COQ3: variants seen among roughly 807,000 people sequenced by gnomAD.
The protein encoded by COQ3 is ubiquinone biosynthesis O-methyltransferase, mitochondrial.
A neutral mutation model predicts 33.1 loss-of-function variants in COQ3; 29 were observed. The ratio of observed to expected loss-of-function variants is 0.88; its 90% CI spans 0.65 to 1.19. COQ3 has a LOEUF of 1.19. Among genes scored for constraint, COQ3 ranks in the 50% most tolerant of loss-of-function variants. The probability of loss-of-function intolerance (pLI) is 0.00; values close to 1 mark genes in which losing one functional copy is unlikely to be tolerated. For synonymous variants in COQ3, 173 were observed against 157.8 expected, an observed-to-expected ratio of 1.10 and a Z score of -0.72; for missense variants, 437 against 430.7, an observed-to-expected ratio of 1.01 and a Z score of -0.13.
chr6:99,377,166 C>T (rs1489907295), intron 4 of COQ3, among the ~76,000 whole-genome samples: 2 of 151,340 alleles, frequency 1.3e-5, no homozygotes, highest in Non-Finnish European at 2.9e-5. Context: ...CCCGCCACCA[C>T]ACCTGGCTAA....
At chr6:99,388,314 C>G (rs577132689) in intron 1 of COQ3, among the ~76,000 whole-genome samples, 15 of 152,180 alleles carry the variant, frequency 9.9e-5, no homozygotes, top group Admixed American at 9.2e-4. Context: ...TAAATCATTT[C>G]AAAAAAATTC....
chr6:99,383,583 C>T (rs1774531363), intron 2 of COQ3, 115 bp downstream of exon 2: 2 of 713,588 alleles, frequency 2.8e-6, no homozygotes, highest in Non-Finnish European at 4.2e-6. Context: ...TAAACACAAG[C>T]TACTTTAATC....
rs1562210364 is a variant in COQ3, at chr6:99,388,922, CA to C, written c.107-5099del. On this transcript the variant is annotated intron_variant, in intron 1 of 6. Coordinates refer to ENST00000254759, the MANE Select transcript of COQ3 (RefSeq NM_017421.4). ...ACACACACACACACACACACACACA[CA>C]CACACACACACCCACATCCTCACTC... Among the ~76,000 whole-genome samples, 405 of 149,372 alleles carry C rather than the reference CA, an allele frequency of 2.7e-3. 2 individuals carry two copies. The highest frequency in any genetic ancestry group is 5.3e-3 in the Admixed American group (79 of 14,958).
rs1774668110 is a variant in COQ3 at position 99,386,909 on chromosome 6, G to A, written c.107-3085C>T. 2.0e-5 allele frequency among the ~76,000 whole-genome samples: 3 copies of A among 152,098 alleles called. No homozygotes were observed. In the South Asian group the frequency reaches 6.2e-4, roughly 32 times the overall value. On this transcript the variant is annotated intron_variant, in intron 1 of 6. Coordinates refer to ENST00000254759, the MANE Select transcript of COQ3 (RefSeq NM_017421.4). ...TCTCTTAAAAAAATAGAAGGGTAAG[G>A]AATACTTCCCAGGCCATTTTATGAA...
intron 2 of COQ3, among the ~76,000 whole-genome samples, chr6:99,382,674 C>G (rs562777058): frequency 6.6e-6 from 1 of 152,282 alleles, no homozygotes; most frequent in African/African-American, 2.4e-5. Context: ...GAGTTCAAGG[C>G]TGGGCGCGGT....
At chr6:99,381,772 A>T (rs899715163) in intron 2 of COQ3, among the ~76,000 whole-genome samples, 1 of 151,984 alleles carries the variant, frequency 6.6e-6, no homozygotes, top group Non-Finnish European at 1.5e-5. Flanking sequence ...CTAAAAATAC[A>T]AAAATTAGCC....
Position 99,394,182 on chromosome 6 carries a change from C to A in COQ3, c.-3G>T. The A allele has an allele frequency of 6.4e-7, 1 of 1,572,286 alleles. No homozygotes were observed. The highest frequency in any genetic ancestry group is 1.1e-5 in the South Asian group (1 of 87,638). ...CCCAGCTTACGGCCACTCCACATCG[C>A]GACAAACGATCCCACCTCTTTTCCG... On this transcript the variant is annotated 5_prime_UTR_variant, in exon 1 of 7. Coordinates refer to ENST00000254759, the MANE Select transcript of COQ3 (RefSeq NM_017421.4).
intron 1 of COQ3, 111 bp downstream of exon 1, chr6:99,393,963 T>C: frequency 3.6e-6 from 3 of 833,414 alleles, no homozygotes; most frequent in Non-Finnish European, 6.0e-6. Context: ...GGTTTCGCGC[T>C]GACCCCTCGC....
At chr6:99,393,397 T>A (rs1240347612) in intron 1 of COQ3, among the ~76,000 whole-genome samples, 1 of 152,226 alleles carries the variant, frequency 6.6e-6, no homozygotes, top group African/African-American at 2.4e-5. Context: ...ATCCTGATCT[T>A]AGGTTTATCC....
At chr6:99,375,044 A>C (rs1220791147) in intron 5 of COQ3, among the ~76,000 whole-genome samples, 1 of 145,326 alleles carries the variant, frequency 6.9e-6, no homozygotes, top group Non-Finnish European at 1.5e-5. Context: ...ATCTCGGCTC[A>C]CTGCAACCTC....
At chr6:99,379,051 CATG>C (rs1415573494) in intron 3 of COQ3, among the ~76,000 whole-genome samples, 7 of 149,376 alleles carry the variant, frequency 4.7e-5, no homozygotes, top group Non-Finnish European at 1.0e-4. Flanking sequence ...TTTTAGGGTA[CATG>C]TGCACACCGT....
rs553197170 is a variant in COQ3, at chr6:99,369,937, A to G, written c.890-117T>C. 13 of 663,356 alleles carry G rather than the reference A, an allele frequency of 2.0e-5. No homozygotes were observed. The South Asian group carries it at 2.2e-4, about 11-fold the overall frequency. The allele number at this position is 663,356 out of a possible 1,614,324, so 41.1% of individuals were successfully genotyped here. On this transcript the variant is annotated intron_variant, in intron 6 of 6. Transcript: ENST00000254759. The stretch of plus-strand genomic sequence containing the variant: ...CTGAGAGCACACTAAATGGATAGGA[A>G]AAGAAGAAAAAAAAAGGATTCCTAA...
In COQ3 at chr6:99,369,544, T is replaced by C. The variant is rs79118251; in HGVS notation, c.*56A>G. 1.1e-6 allele frequency: 1 copy of C among 903,812 alleles called. No individual in the cohort carries two copies. The highest frequency in any genetic ancestry group is 3.1e-5 in the Admixed American group (1 of 32,478). 56.0% of individuals were successfully genotyped at this position (903,812 alleles called of 1,614,324 possible). ...CTCTCAAAGGATAAATTGTACATTT[T>C]TGTATTTGAAAACATCAGATATCCA... is the stretch of plus-strand genomic sequence containing the variant. On this transcript the variant is annotated 3_prime_UTR_variant, in exon 7 of 7. Coordinates refer to ENST00000254759, the MANE Select transcript of COQ3 (RefSeq NM_017421.4).
intron 1 of COQ3, among the ~76,000 whole-genome samples, chr6:99,387,278 A>C (rs745931832): frequency 1.3e-5 from 2 of 152,118 alleles, no homozygotes; most frequent in African/African-American, 2.4e-5. Flanking sequence ...GTGAGACCCT[A>C]TCTCTACAGA....
At chr6:99,379,845 G>A (rs1367168179) in intron 3 of COQ3, among the ~76,000 whole-genome samples, 1 of 150,622 alleles carries the variant, frequency 6.6e-6, no homozygotes, top group African/African-American at 2.4e-5. Flanking sequence ...ACAAGAGCAA[G>A]ACTCCATCTC....
chr6:99,389,309 G>A (rs988939020), intron 1 of COQ3, among the ~76,000 whole-genome samples: 3 of 152,084 alleles, frequency 2.0e-5, no homozygotes, highest in Admixed American at 2.0e-4. Flanking sequence ...ATTTTTAGTA[G>A]AGACAGGCTT....
At chr6:99,392,309 C>G (rs760135514) in intron 1 of COQ3, among the ~76,000 whole-genome samples, 1 of 152,174 alleles carries the variant, frequency 6.6e-6, no homozygotes, top group Non-Finnish European at 1.5e-5. Context: ...CTGGATTGCT[C>G]TAAGGTCTTC....
chr6:99,383,880 T>A, intron 1 of COQ3, 56 bp from the exon 2 acceptor site: 1 of 1,277,180 alleles, frequency 7.8e-7, no homozygotes, highest in Non-Finnish European at 1.1e-6. Context: ...GAATCCCTGA[T>A]ATGCATGTAA....
At chr6:99,385,338 A>G (rs989540399) in intron 1 of COQ3, among the ~76,000 whole-genome samples, 1 of 152,200 alleles carries the variant, frequency 6.6e-6, no homozygotes, top group Non-Finnish European at 1.5e-5. Context: ...CCCCCAAACA[A>G]CAAAATATAC....
Sources: gnomAD v4.1 joint callset for allele counts (sites outside exome capture counted in the v4.1 genomes callset) on GRCh38, gnomAD v4.1.1 for gene constraint, MANE v1.5 for transcripts, NCBI Gene and HGNC (gene_info 2026-07-23, HGNC 2026-07-21) for gene names.